NEMP2: variants seen among roughly 807,000 people sequenced by gnomAD.
NEMP2 encodes UPF0571 transmembrane protein.
In NEMP2, 53 loss-of-function variants were observed where a neutral mutation model predicts 54.2. The ratio of observed to expected loss-of-function variants is 0.98; its 90% CI spans 0.78 to 1.23. The LOEUF (loss-of-function observed/expected upper bound fraction) is 1.23. Among genes scored for constraint, NEMP2 ranks in the 50% most tolerant of loss-of-function variants. NEMP2 has a pLI of 0.00. For missense variants in NEMP2, 455 were observed against 511.3 expected, an observed-to-expected ratio of 0.89 and a Z score of 1.06; for synonymous variants, 197 against 190.3, an observed-to-expected ratio of 1.04 and a Z score of -0.29.
chr2:190,518,726 G>T lies in NEMP2; in HGVS notation c.518+10C>A. On this transcript the variant is annotated intron_variant, in intron 4 of 8. Transcript: ENST00000409150. ...TTCACAAAGTTAAAAATATAAAAAG[G>T]AATACTTACTGACTCAGGGTCCTTG... 2.0e-6 allele frequency: 3 copies of T among 1,517,782 alleles called. No homozygotes were observed. Among genetic ancestry groups the T allele is most frequent in the South Asian group, 2.6e-5 (2 of 77,660 alleles). The allele number at this position is 1,517,782 out of a possible 1,614,324, so 94.0% of individuals were successfully genotyped here.
At chr2:190,534,823 C>T (rs930473674), upstream of NEMP2, 4 of 466,486 alleles carry the variant, frequency 8.6e-6, no homozygotes, top group Admixed American at 1.3e-4. Flanking sequence ...GGGCTCGTTG[C>T]TCCAGCCTCC....
chr2:190,464,975 A>G, the NEMP2 span: 3 of 845,774 alleles, frequency 3.5e-6, no homozygotes, highest in Non-Finnish European at 4.3e-6. Flanking sequence ...GGGTCTCACA[A>G]CTAACTACAC....
At chr2:190,584,079 G>T in the NEMP2 span, among the ~76,000 whole-genome samples, 1 of 152,158 alleles carries the variant, frequency 6.6e-6, no homozygotes, top group Non-Finnish European at 1.5e-5. The surrounding 1 kb of genome is among the most constrained non-coding windows in gnomAD (Gnocchi z 4.2). Context: ...TTATTCCCCA[G>T]CCTTCAGTTA....
Position 190,533,398 on chromosome 2 carries a change from G to A in NEMP2, c.97+1161C>T, listed in dbSNP as rs780482829. On this transcript the variant is annotated intron_variant, in intron 1 of 8. Transcript: ENST00000409150. This position sits in a 1 kb window ranked among gnomAD's most constrained non-coding sequence, Gnocchi z 4.3. Reference sequence around the variant, plus strand: ...ATCTGTAAAATGGGTATAAAATGGTGCTTTCCCGCATAGGGCTTCTATGGG... The same window carrying A: ...ATCTGTAAAATGGGTATAAAATGGTACTTTCCCGCATAGGGCTTCTATGGG... 6.6e-6 allele frequency among the ~76,000 whole-genome samples: 1 copy of A among 152,192 alleles called. No individual in the cohort carries two copies. Among genetic ancestry groups the A allele is most frequent in the Non-Finnish European group, 1.5e-5 (1 of 68,044 alleles).
the NEMP2 span, among the ~76,000 whole-genome samples, chr2:190,444,389 T>C: frequency 6.6e-6 from 1 of 152,160 alleles, no homozygotes; most frequent in Non-Finnish European, 1.5e-5. Flanking sequence ...CTGTAGAATA[T>C]AGTTTAGCCA....
the NEMP2 span, among the ~76,000 whole-genome samples, chr2:190,589,676 A>C: frequency 6.6e-6 from 1 of 152,172 alleles, no homozygotes; most frequent in African/African-American, 2.4e-5. The surrounding 1 kb of genome is among the most constrained non-coding windows in gnomAD (Gnocchi z 4.3). Context: ...GTTCAACCTC[A>C]GTGTCAGCAA....
chr2:190,581,636 T>C, the NEMP2 span, among the ~76,000 whole-genome samples: 1 of 152,220 alleles, frequency 6.6e-6, no homozygotes, highest in Non-Finnish European at 1.5e-5. Flanking sequence ...AAATGTTCTA[T>C]TGAGTTATAA....
In NEMP2 at chr2:190,508,984, C is replaced by T. The variant is rs1690263451; in HGVS notation, c.*205G>A. 1.5e-6 allele frequency: 1 copy of T among 681,850 alleles called. No individual in the cohort carries two copies. Among genetic ancestry groups the T allele is most frequent in the Non-Finnish European group, 2.3e-6 (1 of 428,412 alleles). 42.2% of individuals were successfully genotyped at this position (681,850 alleles called of 1,614,324 possible). A position where few individuals can be genotyped will look rare whatever the true frequency, so the allele number is the denominator to read the frequency against. On this transcript the variant is annotated 3_prime_UTR_variant, in exon 9 of 9. Coordinates refer to ENST00000409150, the MANE Select transcript of NEMP2 (RefSeq NM_001142645.2). This position sits in a 1 kb window ranked among gnomAD's most constrained non-coding sequence, Gnocchi z 4.3. ...GGCTGTCACAGAATTTTGGTATCCACCTACAGTACAATAAGTAGCAGAAGT... is the reference window on the plus strand; with the variant it reads ...GGCTGTCACAGAATTTTGGTATCCATCTACAGTACAATAAGTAGCAGAAGT...
At chr2:190,637,891 G>A in the NEMP2 span, among the ~76,000 whole-genome samples, 1 of 152,176 alleles carries the variant, frequency 6.6e-6, no homozygotes, top group Admixed American at 6.5e-5. This position sits in a 1 kb window ranked among gnomAD's most constrained non-coding sequence, Gnocchi z 4.5. Context: ...ATAGTCTCCA[G>A]GTATAAACAT....
chr2:190,584,898 TGAAAGAAAGAAAGAAAGAAAGAAAGAAA>T, the NEMP2 span, among the ~76,000 whole-genome samples: 1,926 of 120,122 alleles, frequency 0.016, 41 homozygotes, highest in Middle Eastern at 0.057. The surrounding 1 kb of genome is among the most constrained non-coding windows in gnomAD (Gnocchi z 4.2). Flanking sequence ...AAAACAACAA[TGAAAGAAAGAAAGAAAGAAAGAAAGAAA>T]GAAAGAAAGA....
chr2:190,602,985 C>A, the NEMP2 span, among the ~76,000 whole-genome samples: 2 of 152,074 alleles, frequency 1.3e-5, no homozygotes, highest in Non-Finnish European at 2.9e-5. Context: ...CACCAGAGAC[C>A]ATATGTAACT....
rs1690884174 is a variant in NEMP2, at chr2:190,525,053, G to T, written c.213+210C>A. 6.6e-6 allele frequency among the ~76,000 whole-genome samples: 1 copy of T among 152,132 alleles called. No individual in the cohort carries two copies. The highest frequency in any genetic ancestry group is 1.5e-5 in the Non-Finnish European group (1 of 68,016). On this transcript the variant is annotated intron_variant, in intron 2 of 8. Coordinates refer to ENST00000409150, the MANE Select transcript of NEMP2 (RefSeq NM_001142645.2). This position sits in a 1 kb window ranked among gnomAD's most constrained non-coding sequence, Gnocchi z 5.0. ...TATTCATTGGGAGTGGCTTGGGAGG[G>T]GCTGAGGGAGAATATGAAGGAGTTA...
chr2:190,580,524 G>A, the NEMP2 span, among the ~76,000 whole-genome samples: 1 of 152,160 alleles, frequency 6.6e-6, no homozygotes, highest in Non-Finnish European at 1.5e-5. This position sits in a 1 kb window ranked among gnomAD's most constrained non-coding sequence, Gnocchi z 5.3. Flanking sequence ...TTCCTAAGAG[G>A]AAACTGTAAT....
At chr2:190,636,267 T>C in the NEMP2 span, among the ~76,000 whole-genome samples, 1 of 152,224 alleles carries the variant, frequency 6.6e-6, no homozygotes, top group Admixed American at 6.5e-5. Flanking sequence ...CCTTAGTACT[T>C]TAATTATGAG....
chr2:190,614,166 A>T, the NEMP2 span, among the ~76,000 whole-genome samples: 1 of 152,120 alleles, frequency 6.6e-6, no homozygotes, highest in Non-Finnish European at 1.5e-5. This position sits in a 1 kb window ranked among gnomAD's most constrained non-coding sequence, Gnocchi z 5.7. Context: ...TTTTAACTGG[A>T]TCTTTGAGCT....
chr2:190,470,331 T>C, the NEMP2 span, among the ~76,000 whole-genome samples: 22,299 of 152,234 alleles, frequency 0.15, 1,849 homozygotes, highest in Middle Eastern at 0.22. Flanking sequence ...TGTTTTTCCA[T>C]GAACTTTAAA....
intron 7 of NEMP2, among the ~76,000 whole-genome samples, chr2:190,511,014 T>C (rs531235373): frequency 6.6e-6 from 1 of 152,348 alleles, no homozygotes; most frequent in Admixed American, 6.5e-5. Context: ...GAACATGTAG[T>C]TTGGGCCTAA....
chr2:190,587,682 T>C, the NEMP2 span, among the ~76,000 whole-genome samples: 1 of 152,140 alleles, frequency 6.6e-6, no homozygotes, highest in Non-Finnish European at 1.5e-5. This position sits in a 1 kb window ranked among gnomAD's most constrained non-coding sequence, Gnocchi z 5.4. Context: ...TTGACCAAAT[T>C]GTATGGCCAG....
At chr2:190,558,498 C>A in the NEMP2 span, among the ~76,000 whole-genome samples, 68 of 152,286 alleles carry the variant, frequency 4.5e-4, no homozygotes, top group African/African-American at 1.6e-3. This position sits in a 1 kb window ranked among gnomAD's most constrained non-coding sequence, Gnocchi z 4.4. Context: ...ACTTTAAATT[C>A]TATTTTGTAA....
Sources: allele counts gnomAD v4.1 joint callset (sites outside exome capture counted in the v4.1 genomes callset), GRCh38; gene constraint gnomAD v4.1.1; non-coding constraint Gnocchi (gnomAD v3.1); transcripts MANE v1.5; gene names NCBI Gene and HGNC (gene_info 2026-07-23, HGNC 2026-07-21).